WNT5A: variants seen among roughly 807,000 people sequenced by gnomAD.
The protein encoded by WNT5A is protein Wnt-5a.
In WNT5A, 9 loss-of-function variants were observed where a neutral mutation model predicts 42.1. The ratio of observed to expected loss-of-function variants is 0.21; its 90% CI spans 0.13 to 0.37. WNT5A has a LOEUF of 0.37. WNT5A is among the 10% of genes least tolerant of loss of function. The pLI is 1.00. For missense variants in WNT5A, 426 were observed against 534.0 expected, an observed-to-expected ratio of 0.80 and a Z score of 1.99; for synonymous variants, 210 against 210.0, an observed-to-expected ratio of 1.00 and a Z score of 0.00.
chr3:55,481,220 C>T (rs1040697099), intron 1 of WNT5A: 2 of 888,424 alleles, frequency 2.3e-6, no homozygotes, highest in African/African-American at 1.8e-5. Flanking sequence ...CTCCTTCCTG[C>T]TCGCTCGAGT....
the WNT5A span, among the ~76,000 whole-genome samples, chr3:55,496,546 C>A: frequency 1.3e-5 from 2 of 152,128 alleles, no homozygotes; most frequent in Non-Finnish European, 2.9e-5. Context: ...TGAGTATATA[C>A]AGGAACGCGA....
intron 4 of WNT5A, among the ~76,000 whole-genome samples, chr3:55,473,309 T>C (rs1226409088): frequency 6.6e-6 from 1 of 152,146 alleles, no homozygotes; most frequent in African/African-American, 2.4e-5. Context: ...CACCCCAAAA[T>C]ACAGAAGAGT....
At chr3:55,489,557 C>T (rs2051635780), upstream of WNT5A, among the ~76,000 whole-genome samples, 1 of 152,078 alleles carries the variant, frequency 6.6e-6, no homozygotes, top group Non-Finnish European at 1.5e-5. Context: ...GCCCTGGCCT[C>T]CTTCCTGGCG....
upstream of WNT5A, chr3:55,493,892 G>A (rs1333937026): frequency 1.3e-5 from 2 of 152,208 alleles, no homozygotes; most frequent in Admixed American, 6.5e-5. Context: ...TCCGAAGAAA[G>A]ACGGTATCCC....
chr3:55,502,714 AT>A, the WNT5A span, among the ~76,000 whole-genome samples: 1 of 152,242 alleles, frequency 6.6e-6, no homozygotes, highest in African/African-American at 2.4e-5. Flanking sequence ...TAAGACAGGC[AT>A]TTTGTATTAC....
intron 1 of WNT5A, among the ~76,000 whole-genome samples, chr3:55,486,413 GT>G (rs957596010): frequency 1.3e-5 from 2 of 152,256 alleles, no homozygotes; most frequent in Non-Finnish European, 2.9e-5. Context: ...AAGCGCTCGA[GT>G]TACTCGGCCA....
At chr3:55,489,022 G>T (rs1469306213), upstream of WNT5A, 2 of 152,208 alleles carry the variant, frequency 1.3e-5, no homozygotes, top group Non-Finnish European at 2.9e-5. Context: ...GGCGCGATGC[G>T]TGGTCCTGCC....
chr3:55,478,599 T>G (rs991907344), intron 3 of WNT5A, among the ~76,000 whole-genome samples: 11 of 152,316 alleles, frequency 7.2e-5, no homozygotes, highest in Non-Finnish European at 1.6e-4. Flanking sequence ...CCATTTGAAA[T>G]GCTATCTCTT....
chr3:55,487,021 C>G lies in WNT5A; in HGVS notation c.-36G>C. On this transcript the variant is annotated 5_prime_UTR_variant, in exon 1 of 5. Transcript: ENST00000264634. ...AGGGGGCGCGGGGAGGAAGTCGCCA[C>G]CCGAGCGAGCGCAGCCGAGGAATCC... 1 of 1,607,668 alleles carries G rather than the reference C, an allele frequency of 6.2e-7. No individual in the cohort carries two copies. The highest frequency in any genetic ancestry group is 8.5e-7 in the Non-Finnish European group (1 of 1,176,988).
At chr3:55,502,574 G>C in the WNT5A span, among the ~76,000 whole-genome samples, 1 of 152,138 alleles carries the variant, frequency 6.6e-6, no homozygotes, top group Non-Finnish European at 1.5e-5. Context: ...TCCAAATGGA[G>C]TTATAATGTC....
chr3:55,484,172 A>G (rs1341266356), intron 1 of WNT5A, among the ~76,000 whole-genome samples: 1 of 152,132 alleles, frequency 6.6e-6, no homozygotes, highest in Non-Finnish European at 1.5e-5. Context: ...GGAAACTCCA[A>G]AAAGAATCTC....
At chr3:55,478,150 G>A (rs1223482871) in intron 3 of WNT5A, among the ~76,000 whole-genome samples, 2 of 152,124 alleles carry the variant, frequency 1.3e-5, no homozygotes, top group African/African-American at 4.8e-5. Flanking sequence ...AAAGGACAAA[G>A]CCCCATGAAA....
At chr3:55,503,882 G>A in the WNT5A span, among the ~76,000 whole-genome samples, 1 of 152,202 alleles carries the variant, frequency 6.6e-6, no homozygotes, top group Non-Finnish European at 1.5e-5. Flanking sequence ...CCAGGCGTTG[G>A]AGGCTGCAGT....
At chr3:55,474,127 AAGTG>A (rs752670332) in intron 4 of WNT5A, among the ~76,000 whole-genome samples, 30 of 152,288 alleles carry the variant, frequency 2.0e-4, no homozygotes, top group Non-Finnish European at 3.5e-4. Context: ...GGGAGAAAGA[AAGTG>A]AGACGGGAAC....
upstream of WNT5A, among the ~76,000 whole-genome samples, chr3:55,493,424 G>A (rs2051682592): frequency 6.6e-6 from 1 of 152,212 alleles, no homozygotes; most frequent in Admixed American, 6.5e-5. Flanking sequence ...CAGTCTCAAA[G>A]AAGCTGCTGT....
chr3:55,487,927 C>G (rs148138919), upstream of WNT5A: 2,596 of 152,500 alleles, frequency 0.017, 35 homozygotes, highest in Non-Finnish European at 0.026. Context: ...GGGCTCCCCC[C>G]CCCCACCACG....
chr3:55,501,911 ACT>A, the WNT5A span: 2 of 152,160 alleles, frequency 1.3e-5, no homozygotes, highest in African/African-American at 4.8e-5. Context: ...AAAATAAATT[ACT>A]CTGTTATCAA....
At chr3:55,480,585 G>A (rs571294417) in intron 2 of WNT5A, among the ~76,000 whole-genome samples, 200 bp downstream of exon 2, 2 of 152,088 alleles carry the variant, frequency 1.3e-5, no homozygotes, top group Non-Finnish European at 2.9e-5. Flanking sequence ...CCATTCCCTA[G>A]GAGCTGAAGA....
At chr3:55,503,205 C>G in the WNT5A span, among the ~76,000 whole-genome samples, 2 of 152,202 alleles carry the variant, frequency 1.3e-5, no homozygotes, top group Non-Finnish European at 2.9e-5. Flanking sequence ...CAAGGACCAG[C>G]TCAGCAGTGG....
Sources: gnomAD v4.1 joint callset for allele counts (sites outside exome capture counted in the v4.1 genomes callset) on GRCh38, gnomAD v4.1.1 for gene constraint, MANE v1.5 for transcripts, NCBI Gene and HGNC (gene_info 2026-07-23, HGNC 2026-07-21) for gene names.